PDE1A: variants seen among roughly 807,000 people sequenced by gnomAD.
PDE1A encodes dual specificity calcium/calmodulin-dependent 3',5'-cyclic nucleotide phosphodiesterase 1A.
A neutral mutation model predicts 61.7 loss-of-function variants in PDE1A; 35 were observed. That is an observed-to-expected ratio of 0.57 (90% CI 0.43 to 0.75). The LOEUF (loss-of-function observed/expected upper bound fraction) is 0.75, where lower values mean the gene tolerates loss of function less well. PDE1A is among the 30% of genes least tolerant of loss of function. The probability of loss-of-function intolerance (pLI) is 0.00; values close to 1 mark genes in which losing one functional copy is unlikely to be tolerated. For synonymous variants in PDE1A, 232 were observed against 213.2 expected (o/e 1.09, Z -0.77); for missense variants, 597 against 630.6 (o/e 0.95, Z 0.57).
intron 1 of PDE1A, among the ~76,000 whole-genome samples, chr2:182,268,613 T>C (rs1239422140): frequency 1.3e-5 from 2 of 152,114 alleles, no homozygotes; most frequent in African/African-American, 4.8e-5. Context: ...ATGCACACCC[T>C]AATTTCTAAG....
chr2:182,165,455 G>A (rs1157589731), downstream of PDE1A, among the ~76,000 whole-genome samples: 1 of 152,126 alleles, frequency 6.6e-6, no homozygotes, highest in Non-Finnish European at 1.5e-5. Context: ...AGGCTACTAA[G>A]GGCGATTGAT....
At chr2:182,211,439 G>GTTA (rs1009465918) in intron 7 of PDE1A, among the ~76,000 whole-genome samples, 14 of 152,148 alleles carry the variant, frequency 9.2e-5, no homozygotes, top group African/African-American at 3.4e-4. Flanking sequence ...AAGTCTTAAA[G>GTTA]TTAGGTAGTG....
At chr2:182,652,704 C>T in the PDE1A span, among the ~76,000 whole-genome samples, 5 of 152,124 alleles carry the variant, frequency 3.3e-5, no homozygotes, top group Non-Finnish European at 5.9e-5. Context: ...CTTCAAAAAG[C>T]TTCATATACA....
the PDE1A span, among the ~76,000 whole-genome samples, chr2:182,622,299 GATTTA>G: frequency 2.0e-4 from 31 of 152,246 alleles, no homozygotes; most frequent in African/African-American, 6.7e-4. Flanking sequence ...TAGAAATACT[GATTTA>G]ATTTATCAGA....
intron 7 of PDE1A, among the ~76,000 whole-genome samples, chr2:182,216,072 T>C (rs1183387487): frequency 5.4e-5 from 4 of 73,644 alleles, no homozygotes; most frequent in African/African-American, 1.5e-4. Context: ...TCCACCATGA[T>C]CAAGTGGGCT....
chr2:182,507,868 T>C (rs1689512339), intron 2 of PDE1A, among the ~76,000 whole-genome samples: 1 of 151,778 alleles, frequency 6.6e-6, no homozygotes, highest in Admixed American at 6.6e-5. Flanking sequence ...CATTAATCCA[T>C]ATACTAGCCA....
chr2:182,665,475 T>G, the PDE1A span, among the ~76,000 whole-genome samples: 1 of 152,162 alleles, frequency 6.6e-6, no homozygotes, highest in African/African-American at 2.4e-5. Flanking sequence ...AAATTTGACA[T>G]CACTGATCAT....
intron 1 of PDE1A, among the ~76,000 whole-genome samples, chr2:182,421,112 A>G (rs1703248905): frequency 6.6e-6 from 1 of 152,140 alleles, no homozygotes; most frequent in Non-Finnish European, 1.5e-5. Context: ...CTTTTTACCT[A>G]AACACTATGT....
At chr2:182,600,854 G>A in the PDE1A span, among the ~76,000 whole-genome samples, 2 of 152,174 alleles carry the variant, frequency 1.3e-5, no homozygotes, top group Admixed American at 1.3e-4. Flanking sequence ...TGGGCCTTCA[G>A]TCTTTCCTTG....
At chr2:182,199,569 T>C (rs574849205) in intron 10 of PDE1A, among the ~76,000 whole-genome samples, 1 of 152,120 alleles carries the variant, frequency 6.6e-6, no homozygotes, top group East Asian at 1.9e-4. Context: ...TCTTTGTATC[T>C]CTTTATTTTT....
At chr2:182,361,671 A>G (rs1699520323) in intron 1 of PDE1A, among the ~76,000 whole-genome samples, 1 of 152,094 alleles carries the variant, frequency 6.6e-6, no homozygotes, top group Admixed American at 6.6e-5. Context: ...TATGTTTTAA[A>G]TTGCTCACAA....
chr2:182,556,454 T>C, the PDE1A span, among the ~76,000 whole-genome samples: 1 of 152,186 alleles, frequency 6.6e-6, no homozygotes, highest in Non-Finnish European at 1.5e-5. Context: ...AATGCACAAG[T>C]GTCTTAAAAA....
chr2:182,209,556 T>A (rs961549728), intron 7 of PDE1A, among the ~76,000 whole-genome samples: 1 of 151,432 alleles, frequency 6.6e-6, no homozygotes, highest in Non-Finnish European at 1.5e-5. Flanking sequence ...CCCGCCCAAA[T>A]CTCATATTGA....
chr2:182,168,268 C>G (rs752647044), exon 14 of PDE1A: 1 of 1,593,330 alleles, frequency 6.3e-7, no homozygotes, highest in South Asian at 1.2e-5. Context: ...TAAACTCACA[C>G]TTCTGTGAAC....
chr2:182,643,687 G>C, the PDE1A span, among the ~76,000 whole-genome samples: 1 of 152,132 alleles, frequency 6.6e-6, no homozygotes, highest in Non-Finnish European at 1.5e-5. Context: ...TTCAGGAAGA[G>C]AAAGAAAAGG....
At chr2:182,336,200 G>T (rs1432437957) in intron 1 of PDE1A, among the ~76,000 whole-genome samples, 1 of 152,188 alleles carries the variant, frequency 6.6e-6, no homozygotes, top group South Asian at 2.1e-4. Flanking sequence ...CATTGTGGAA[G>T]ACAGTATGGC....
chr2:182,229,518 A>G (rs1473987187), intron 6 of PDE1A, among the ~76,000 whole-genome samples: 1 of 152,172 alleles, frequency 6.6e-6, no homozygotes, highest in Non-Finnish European at 1.5e-5. Flanking sequence ...TGATTCATCA[A>G]ATGCAAAGAA....
intron 2 of PDE1A, among the ~76,000 whole-genome samples, chr2:182,255,745 C>T (rs1279187822): frequency 6.6e-6 from 1 of 150,796 alleles, no homozygotes; most frequent in Non-Finnish European, 1.5e-5. Context: ...GCAACCTCTG[C>T]CTCCTGAGTT....
chr2:182,437,479 T>C (rs1559462972), intron 2 of PDE1A, among the ~76,000 whole-genome samples: 1 of 151,946 alleles, frequency 6.6e-6, no homozygotes, highest in Non-Finnish European at 1.5e-5. Context: ...GAGTTACCTA[T>C]GAAATTACCT....
Sources: allele counts gnomAD v4.1 joint callset (sites outside exome capture counted in the v4.1 genomes callset), GRCh38; gene constraint gnomAD v4.1.1; transcripts MANE v1.5; gene names NCBI Gene and HGNC (gene_info 2026-07-23, HGNC 2026-07-21).